Variants in MYO1E observed in about 807,000 individuals in gnomAD.
MYO1E encodes myosin IE, also known as unconventional myosin-Ie.
A neutral mutation model predicts 151.1 loss-of-function variants in MYO1E; 68 were observed. The ratio of observed to expected loss-of-function variants is 0.45; its 90% CI spans 0.37 to 0.55. MYO1E has a LOEUF of 0.55. MYO1E is among the 20% of genes least tolerant of loss of function. MYO1E has a pLI of 0.00. For synonymous variants in MYO1E, 601 were observed against 501.7 expected, an observed-to-expected ratio of 1.20 and a Z score of -2.64; for missense variants, 1,363 against 1,389.3, an observed-to-expected ratio of 0.98 and a Z score of 0.30.
chr15:59,232,176 C>G (rs1043160448), intron 5 of MYO1E, among the ~76,000 whole-genome samples: 4 of 152,200 alleles, frequency 2.6e-5, no homozygotes, highest in Non-Finnish European at 5.9e-5. Flanking sequence ...TTCCCAACTA[C>G]TCTACCAACC....
At chr15:59,157,590 CCAT>C (rs143934840) in intron 25 of MYO1E, among the ~76,000 whole-genome samples, 2,480 of 152,304 alleles carry the variant, frequency 0.016, 73 homozygotes, top group African/African-American at 0.057. Context: ...GTGTGCTACC[CCAT>C]CATCAGTCAC....
intron 26 of MYO1E, among the ~76,000 whole-genome samples, chr15:59,144,203 A>G (rs190945901): frequency 3.9e-4 from 60 of 151,996 alleles, no homozygotes; most frequent in Admixed American, 1.9e-3. Flanking sequence ...GTCTCACTCT[A>G]TGACGCAGGC....
chr15:59,299,240 G>C (rs1366899275), intron 1 of MYO1E, among the ~76,000 whole-genome samples: 3 of 152,166 alleles, frequency 2.0e-5, no homozygotes, highest in African/African-American at 7.2e-5. Context: ...TTACATTTAG[G>C]ATTCATTTAT....
In MYO1E at chr15:59,224,232, T is replaced by C. The variant is rs575417282; in HGVS notation, c.777+457A>G. 9.9e-5 allele frequency among the ~76,000 whole-genome samples: 15 copies of C among 152,274 alleles called. No homozygotes were observed. In the South Asian group the frequency reaches 3.1e-3, roughly 32 times the overall value. ...AGGGCATGGCACAGAAAAAGGGTCC[T>C]CTGCCCTAAACAATACAGAGGGGAA... On this transcript the variant is annotated intron_variant, in intron 8 of 27. Transcript: ENST00000288235.
At chr15:59,217,110 T>A (rs1226695601) in intron 10 of MYO1E, among the ~76,000 whole-genome samples, 1 of 152,080 alleles carries the variant, frequency 6.6e-6, no homozygotes, top group African/African-American at 2.4e-5. Flanking sequence ...CCAATCAGCT[T>A]CCTGACTGCA....
At chr15:59,329,990 T>C (rs542973927) in intron 1 of MYO1E, among the ~76,000 whole-genome samples, 115 of 152,328 alleles carry the variant, frequency 7.5e-4, no homozygotes, top group African/African-American at 2.6e-3. Flanking sequence ...AATTCAATAT[T>C]TATTAACGCT....
At chr15:59,295,894 C>CG (rs1269175471) in intron 1 of MYO1E, among the ~76,000 whole-genome samples, 2 of 152,052 alleles carry the variant, frequency 1.3e-5, no homozygotes, top group Admixed American at 6.6e-5. Flanking sequence ...TCACTTACTG[C>CG]GGGGTTATTA....
At chr15:59,258,998 T>C (rs927792086) in intron 3 of MYO1E, among the ~76,000 whole-genome samples, 1 of 151,948 alleles carries the variant, frequency 6.6e-6, no homozygotes, top group Admixed American at 6.6e-5. Flanking sequence ...GGTCTCACCA[T>C]GTTGCCCAGG....
At chr15:59,208,985 C>T in intron 13 of MYO1E, 137 bp from the exon 14 acceptor site, 1 of 1,048,982 alleles carries the variant, frequency 9.5e-7, no homozygotes, top group Admixed American at 2.0e-5. Flanking sequence ...CCCCTTCAGG[C>T]AAGAATGCAA....
In MYO1E at chr15:59,372,620, C is replaced by T; in HGVS notation, c.-120G>A. ...CCCCTCGCCAAAAACAGGCTCCCGA[C>T]ACCCAAGCACTCACAGGAGCCAATG... On this transcript the variant is annotated 5_prime_UTR_variant, in exon 1 of 28. Coordinates refer to ENST00000288235, the MANE Select transcript of MYO1E (RefSeq NM_004998.4). 7.7e-7 allele frequency: 1 copy of T among 1,302,462 alleles called. No homozygotes were observed. The highest frequency in any genetic ancestry group is 1.1e-6 in the Non-Finnish European group (1 of 951,232). 80.7% of individuals were successfully genotyped at this position (1,302,462 alleles called of 1,614,324 possible). A position where few individuals can be genotyped will look rare whatever the true frequency, so the allele number is the denominator to read the frequency against.
At position 59,202,337 on chromosome 15, in the gene MYO1E, T is replaced by C; in HGVS notation, c.1687A>G (p.Ser563Gly). Residue 563 changes from serine (S) to glycine (G), a missense_variant, in exon 16 of 28, where the codon AGC becomes GGC. By Grantham distance (56) the Ser-to-Gly change is moderately conservative (BLOSUM62 0). Transcript: ENST00000288235. ...DKKGRPTTAG[S>G]KIKKQANDLV... The stretch of plus-strand genomic sequence containing the variant: ...AAAATAGAACTAACCTTTATTTTGC[T>C]TCCGGCAGTAGTTGGGCGCCCTTTC... The C allele has an allele frequency of 1.9e-6, 3 of 1,614,026 alleles. No homozygotes were observed. Among genetic ancestry groups the C allele is most frequent in the Middle Eastern group, 3.3e-4 (2 of 6,058 alleles).
intron 1 of MYO1E, among the ~76,000 whole-genome samples, chr15:59,278,410 ACTAC>A (rs1400928067): frequency 3.9e-5 from 6 of 152,138 alleles, no homozygotes; most frequent in Non-Finnish European, 8.8e-5. Flanking sequence ...CAGGAAAGGG[ACTAC>A]CTATTTTAAT....
intron 1 of MYO1E, among the ~76,000 whole-genome samples, chr15:59,298,157 T>G (rs1596405907): frequency 6.6e-6 from 1 of 152,240 alleles, no homozygotes; most frequent in Non-Finnish European, 1.5e-5. Context: ...GTGAGATACT[T>G]TGCGACTATG....
intron 26 of MYO1E, among the ~76,000 whole-genome samples, chr15:59,144,768 A>G (rs1193015458): frequency 3.9e-5 from 6 of 152,302 alleles, no homozygotes; most frequent in Admixed American, 2.6e-4. Context: ...CCAGACTCCA[A>G]CAGCCTCGAA....
chr15:59,242,002 G>A (rs1038447786), intron 4 of MYO1E, among the ~76,000 whole-genome samples: 3 of 152,118 alleles, frequency 2.0e-5, no homozygotes, highest in African/African-American at 7.2e-5. Flanking sequence ...GGGAGGGGTA[G>A]GGAGTGGAGC....
chr15:59,352,522 T>C (rs2080828917), intron 1 of MYO1E, among the ~76,000 whole-genome samples: 1 of 152,212 alleles, frequency 6.6e-6, no homozygotes, highest in Non-Finnish European at 1.5e-5. Context: ...AAACAGCTCC[T>C]CTTCTAAGCA....
intron 19 of MYO1E, among the ~76,000 whole-genome samples, chr15:59,174,752 C>G (rs1168141180): frequency 3.3e-5 from 5 of 152,034 alleles, no homozygotes; most frequent in African/African-American, 1.2e-4. Context: ...TATAGACTTC[C>G]TGTCTCAGGA....
chr15:59,339,952 A>G (rs1339349412), intron 1 of MYO1E, among the ~76,000 whole-genome samples: 1 of 151,740 alleles, frequency 6.6e-6, no homozygotes, highest in East Asian at 1.9e-4. Context: ...GGTTCAAGCA[A>G]TTCTCCTGTC....
intron 1 of MYO1E, among the ~76,000 whole-genome samples, chr15:59,300,546 G>A (rs1210727228): frequency 1.3e-5 from 2 of 152,200 alleles, no homozygotes; most frequent in Non-Finnish European, 2.9e-5. Context: ...ACAAGAGGAA[G>A]TGAGTCTACC....
Sources: allele counts gnomAD v4.1 joint callset (sites outside exome capture counted in the v4.1 genomes callset), GRCh38; gene constraint gnomAD v4.1.1; transcripts MANE v1.5; gene names NCBI Gene and HGNC (gene_info 2026-07-23, HGNC 2026-07-21).